The following TEAD1 variants were observed in gnomAD, a reference collection of about 807,000 sequenced individuals.
TEAD1 encodes TEA domain transcription factor 1.
TEAD1 carries 9 observed loss-of-function variants against 54.9 expected under a neutral mutation model. The observed-to-expected ratio is 0.16, with a 90% CI of 0.10 to 0.29. The LOEUF (loss-of-function observed/expected upper bound fraction) is 0.29. Among genes scored for constraint, TEAD1 ranks in the 10% least tolerant of loss-of-function variants. TEAD1 has a pLI of 1.00. For missense variants in TEAD1, 387 were observed against 535.9 expected (o/e 0.72, Z 2.74); for synonymous variants, 200 against 187.8 (o/e 1.07, Z -0.53).
intron 9 of TEAD1, among the ~76,000 whole-genome samples, chr11:12,900,638 C>A (rs1948410284): frequency 6.6e-6 from 1 of 151,934 alleles, no homozygotes; most frequent in African/African-American, 2.4e-5. Context: ...TAGACCCACA[C>A]AATCTTTTTT....
chr11:12,887,594 G>A (rs757377686), intron 9 of TEAD1, among the ~76,000 whole-genome samples: 4 of 152,138 alleles, frequency 2.6e-5, no homozygotes, highest in Admixed American at 6.5e-5. Context: ...CAAACACAAC[G>A]TGCTATTACA....
intron 3 of TEAD1, among the ~76,000 whole-genome samples, chr11:12,836,103 T>A (rs553260350): frequency 6.6e-6 from 1 of 152,276 alleles, no homozygotes; most frequent in African/African-American, 2.4e-5. Flanking sequence ...CAAATTTATC[T>A]GTCAGTTAGA....
chr11:12,827,985 C>T (rs1946690836), intron 3 of TEAD1: 2 of 152,162 alleles, frequency 1.3e-5, no homozygotes, highest in Non-Finnish European at 2.9e-5. Context: ...ATGACATTTC[C>T]TGGTAATGGA....
chr11:12,769,287 C>T (rs1243350178), intron 3 of TEAD1, among the ~76,000 whole-genome samples: 1 of 152,116 alleles, frequency 6.6e-6, no homozygotes, highest in East Asian at 1.9e-4. Flanking sequence ...CCCTGCCCAC[C>T]AGGACAGCAT....
chr11:12,759,401 A>C (rs1945056777), intron 2 of TEAD1, among the ~76,000 whole-genome samples: 1 of 147,698 alleles, frequency 6.8e-6, no homozygotes, highest in African/African-American at 2.7e-5. Context: ...TTACACATTT[A>C]GGGAATGTGG....
intron 2 of TEAD1, among the ~76,000 whole-genome samples, chr11:12,696,288 C>T (rs1355194321): frequency 1.3e-5 from 2 of 152,180 alleles, no homozygotes; most frequent in African/African-American, 4.8e-5. Context: ...TTTCTTGGAT[C>T]AAAGTGGGGC....
rs1944569206 is a variant in TEAD1, at chr11:12,737,883, A to G, written c.-54-26296A>G. Among the ~76,000 whole-genome samples the G allele has an allele frequency of 2.0e-5, 3 of 152,192 alleles. No homozygotes were observed. In the South Asian group the frequency reaches 6.2e-4, roughly 31 times the overall value. On this transcript the variant is annotated intron_variant, in intron 2 of 12. Coordinates refer to ENST00000527636, the MANE Select transcript of TEAD1 (RefSeq NM_021961.6). ...TGAGACTGGGTAACTTACAAAGAAA[A>G]AGAGGTTTAATGGACTCACAGTTCC...
At position 12,939,553 on chromosome 11, in the gene TEAD1, GACAACT is replaced by G. The variant is rs894192552; in HGVS notation, c.*2332_*2337del. On this transcript the variant is annotated 3_prime_UTR_variant, in exon 13 of 13. Transcript: ENST00000527636. ...TGGGACCCAAGAAGAACAGCTAGAG[GACAACT>G]CTGTTGGCACAGAGACGGGGACAGC... is the stretch of plus-strand genomic sequence containing the variant. 59 of 152,338 alleles carry G rather than the reference GACAACT, an allele frequency of 3.9e-4. No individual in the cohort carries two copies. Among genetic ancestry groups the G allele is most frequent in the African/African-American group, 1.4e-3 (57 of 41,550 alleles). 9.4% of individuals were successfully genotyped at this position (152,338 alleles called of 1,614,324 possible).
At chr11:12,842,332 T>TTAA (rs145043158) in intron 3 of TEAD1, among the ~76,000 whole-genome samples, 77 of 152,322 alleles carry the variant, frequency 5.1e-4, no homozygotes, top group Non-Finnish European at 9.7e-4. Flanking sequence ...TTCCCTGGGC[T>TTAA]TAAAAGTATG....
intron 2 of TEAD1, among the ~76,000 whole-genome samples, chr11:12,718,708 A>T (rs1944118160): frequency 1.3e-5 from 2 of 151,332 alleles, no homozygotes; most frequent in African/African-American, 4.9e-5. Flanking sequence ...CTTTAATTAC[A>T]CTCTTGTCTT....
chr11:12,916,070 G>A (rs906964024), intron 10 of TEAD1, among the ~76,000 whole-genome samples: 27 of 152,134 alleles, frequency 1.8e-4, no homozygotes, highest in African/African-American at 2.4e-4. Context: ...CTTCTGCTTC[G>A]ACTTTTTGTT....
intron 9 of TEAD1, among the ~76,000 whole-genome samples, chr11:12,894,018 TG>T (rs1185147469): frequency 2.6e-5 from 4 of 152,162 alleles, no homozygotes; most frequent in Non-Finnish European, 5.9e-5. Context: ...GGGGGGTAGG[TG>T]GACAGACATT....
chr11:12,924,860 C>T (rs1948880288), intron 10 of TEAD1, 52 bp from the exon 11 acceptor site: 2 of 1,611,536 alleles, frequency 1.2e-6, no homozygotes, highest in Admixed American at 1.7e-5. Context: ...TGCTCGGTGC[C>T]ATGACTCCTG....
chr11:12,816,395 C>T (rs1181158755), intron 3 of TEAD1, among the ~76,000 whole-genome samples: 2 of 152,156 alleles, frequency 1.3e-5, no homozygotes, highest in Admixed American at 1.3e-4. Context: ...GTCATTTGCC[C>T]CAGGAGCCCC....
chr11:12,833,855 G>A (rs117342175), intron 3 of TEAD1, among the ~76,000 whole-genome samples: 5,594 of 152,034 alleles, frequency 0.037, 149 homozygotes, highest in Non-Finnish European at 0.059. Context: ...GGTGCCTCCC[G>A]AATTTCTCAA....
At chr11:12,736,274 G>T (rs1272741692) in intron 2 of TEAD1, among the ~76,000 whole-genome samples, 2 of 152,050 alleles carry the variant, frequency 1.3e-5, no homozygotes, top group Non-Finnish European at 2.9e-5. Flanking sequence ...TAAGACCAAA[G>T]GCTTTACGTT....
At chr11:12,830,109 T>C (rs1946741984) in intron 3 of TEAD1, among the ~76,000 whole-genome samples, 2 of 151,902 alleles carry the variant, frequency 1.3e-5, no homozygotes, top group Non-Finnish European at 2.9e-5. Flanking sequence ...CCCCGAGCCA[T>C]TGGGAAATAG....
chr11:12,855,894 G>A (rs1278936281), intron 3 of TEAD1, among the ~76,000 whole-genome samples: 1 of 151,032 alleles, frequency 6.6e-6, no homozygotes, highest in African/African-American at 2.4e-5. Flanking sequence ...GCTACAGTGA[G>A]CCATGATCAT....
intron 2 of TEAD1, among the ~76,000 whole-genome samples, chr11:12,688,357 G>A (rs1408110836): frequency 2.0e-5 from 3 of 152,136 alleles, no homozygotes; most frequent in African/African-American, 7.2e-5. Flanking sequence ...GGTTTTTGGT[G>A]GGAGGCAGTG....
Sources: allele counts gnomAD v4.1 joint callset (sites outside exome capture counted in the v4.1 genomes callset), GRCh38; gene constraint gnomAD v4.1.1; transcripts MANE v1.5; gene names NCBI Gene and HGNC (gene_info 2026-07-23, HGNC 2026-07-21).